The following PARP8 variants were observed in gnomAD, a reference collection of about 807,000 sequenced individuals.
The protein encoded by PARP8 is poly(ADP-ribose) polymerase family member 8, also known as protein mono-ADP-ribosyltransferase PARP8.
PARP8 carries 51 observed loss-of-function variants against 124.1 expected under a neutral mutation model. The ratio of observed to expected loss-of-function variants is 0.41; its 90% CI spans 0.33 to 0.52. The LOEUF is 0.52. Ranked by LOEUF, PARP8 falls within the 20% of genes least tolerant of loss-of-function variation. PARP8 has a pLI of 0.21. For synonymous variants in PARP8, 391 were observed against 361.5 expected (o/e 1.08, Z -0.93); for missense variants, 860 against 1,018.9 (o/e 0.84, Z 2.12).
chr5:50,780,005 T>C (rs1044155135), intron 9 of PARP8, among the ~76,000 whole-genome samples: 1 of 152,194 alleles, frequency 6.6e-6, no homozygotes, highest in Non-Finnish European at 1.5e-5. Flanking sequence ...ATTTCAGATA[T>C]ATAAATATGT....
chr5:50,702,494 C>T (rs539151702), intron 2 of PARP8, among the ~76,000 whole-genome samples: 54 of 152,156 alleles, frequency 3.5e-4, no homozygotes, highest in African/African-American at 1.1e-3. Flanking sequence ...TTTTCTAGGG[C>T]GTTTTTATTT....
At chr5:50,733,258 C>T (rs556536915) in intron 2 of PARP8, among the ~76,000 whole-genome samples, 6 of 151,528 alleles carry the variant, frequency 4.0e-5, no homozygotes, top group African/African-American at 1.2e-4. Flanking sequence ...CGCGCCACAC[C>T]GCACTCCAGC....
intron 2 of PARP8, among the ~76,000 whole-genome samples, chr5:50,729,031 T>C (rs1756711453): frequency 1.3e-5 from 2 of 152,058 alleles, no homozygotes; most frequent in Admixed American, 1.3e-4. Flanking sequence ...TGTGATAATT[T>C]TATGGTCCAG....
rs188952668 is a variant in PARP8 at position 50,761,948 on chromosome 5, A to G, written c.423+50A>G. On this transcript the variant is annotated intron_variant, in intron 6 of 25. Coordinates refer to ENST00000281631, the MANE Select transcript of PARP8 (RefSeq NM_024615.4). ...ACCTAGTCTTAAAGTTCTAATAGCC[A>G]TGTTGTCCTAGTGGTAATCTGTGCC... 4,506 of 1,220,258 alleles carry G rather than the reference A, an allele frequency of 3.7e-3. 13 individuals are homozygous for G. Among genetic ancestry groups the G allele is most frequent in the Middle Eastern group, 5.7e-3 (30 of 5,264 alleles). 75.6% of individuals were successfully genotyped at this position (1,220,258 alleles called of 1,614,324 possible). A position where few individuals can be genotyped will look rare whatever the true frequency, so the allele number is the denominator to read the frequency against.
At chr5:50,785,453 C>T (rs1218152656) in intron 9 of PARP8, among the ~76,000 whole-genome samples, 2 of 152,150 alleles carry the variant, frequency 1.3e-5, no homozygotes, top group African/African-American at 4.8e-5. Context: ...AGCTAGATCT[C>T]TTTTGTTTCT....
At chr5:50,802,729 G>T (rs1355538374) in intron 14 of PARP8, among the ~76,000 whole-genome samples, 1 of 152,004 alleles carries the variant, frequency 6.6e-6, no homozygotes, top group African/African-American at 2.4e-5. Flanking sequence ...TATATTATGT[G>T]CCCATCAACA....
At chr5:50,746,158 G>T (rs1447749135) in intron 2 of PARP8, among the ~76,000 whole-genome samples, 1 of 151,958 alleles carries the variant, frequency 6.6e-6, no homozygotes, top group Non-Finnish European at 1.5e-5. Context: ...ATACTAATCT[G>T]CCTGGAAATA....
intron 2 of PARP8, among the ~76,000 whole-genome samples, chr5:50,677,015 A>G (rs1196088757): frequency 1.7e-4 from 26 of 152,204 alleles, no homozygotes; most frequent in East Asian, 1.2e-3. Context: ...GTATATTTCT[A>G]TCTAAATACT....
chr5:50,782,348 C>A (rs1213487614), intron 9 of PARP8, among the ~76,000 whole-genome samples: 1 of 152,064 alleles, frequency 6.6e-6, no homozygotes, highest in Admixed American at 6.6e-5. Flanking sequence ...TGTGTTTGTG[C>A]AAAAGTATTC....
intron 2 of PARP8, among the ~76,000 whole-genome samples, chr5:50,694,213 G>A (rs1579982451): frequency 1.3e-5 from 2 of 152,076 alleles, no homozygotes; most frequent in East Asian, 3.9e-4. Context: ...TCTGAGTCTT[G>A]TGACACATGT....
intron 2 of PARP8, among the ~76,000 whole-genome samples, chr5:50,738,690 C>A (rs1440346818): frequency 1.4e-5 from 2 of 138,628 alleles, no homozygotes; most frequent in South Asian, 4.6e-4. Flanking sequence ...ATAAAATACA[C>A]TAATGCTAAA....
chr5:50,669,160 C>A (rs1461341029), intron 2 of PARP8: 1 of 152,036 alleles, frequency 6.6e-6, no homozygotes, highest in African/African-American at 2.4e-5. Flanking sequence ...TACCTAAGCC[C>A]CAGAATTAGC....
intron 3 of PARP8, among the ~76,000 whole-genome samples, chr5:50,758,372 TA>T (rs1243791526): frequency 1.3e-5 from 2 of 152,218 alleles, no homozygotes; most frequent in Admixed American, 1.3e-4. Context: ...CCCTGACTGT[TA>T]AAGCCTTAGG....
chr5:50,795,778 T>C (rs1742471910), intron 12 of PARP8, among the ~76,000 whole-genome samples: 1 of 152,250 alleles, frequency 6.6e-6, no homozygotes, highest in Non-Finnish European at 1.5e-5. Context: ...TCTCTGGTCT[T>C]CTCACATGAG....
intron 2 of PARP8, among the ~76,000 whole-genome samples, chr5:50,679,611 G>T (rs1372705946): frequency 6.6e-6 from 1 of 152,024 alleles, no homozygotes; most frequent in Non-Finnish European, 1.5e-5. Context: ...TTCTTGTATT[G>T]TCTGACCCCT....
At chr5:50,767,509 A>C (rs1761172163) in intron 7 of PARP8, among the ~76,000 whole-genome samples, 1 of 152,184 alleles carries the variant, frequency 6.6e-6, no homozygotes, top group Non-Finnish European at 1.5e-5. Context: ...GACACTAACC[A>C]CTACTCCCAA....
chr5:50,717,434 G>A (rs1347843355), intron 2 of PARP8, among the ~76,000 whole-genome samples: 1 of 152,082 alleles, frequency 6.6e-6, no homozygotes, highest in Non-Finnish European at 1.5e-5. Flanking sequence ...GGGAAGAACA[G>A]ATTTCAGGAG....
intron 22 of PARP8, 116 bp downstream of exon 22, chr5:50,830,077 G>C (rs1746776462): frequency 8.3e-7 from 1 of 1,207,972 alleles, no homozygotes. Flanking sequence ...TATTAAATTT[G>C]TTTGCTAAAT....
chr5:50,684,706 G>C lies in PARP8; in HGVS notation c.146+16581G>C, dbSNP rs182961411. Reference sequence around the variant, plus strand: ...ATGATTTCTATAACTCACTTAACTTGCATATTTATACGTGGACTTTAAAAA... The same window carrying C: ...ATGATTTCTATAACTCACTTAACTTCCATATTTATACGTGGACTTTAAAAA... On this transcript the variant is annotated intron_variant, in intron 2 of 25. Transcript: ENST00000281631. Among the ~76,000 whole-genome samples, 103 of 152,226 alleles carry C rather than the reference G, an allele frequency of 6.8e-4. 1 individual carries two copies. In the South Asian group the frequency reaches 0.01, roughly 15 times the overall value.
Sources: allele counts gnomAD v4.1 joint callset (sites outside exome capture counted in the v4.1 genomes callset), GRCh38; gene constraint gnomAD v4.1.1; transcripts MANE v1.5; gene names NCBI Gene and HGNC (gene_info 2026-07-23, HGNC 2026-07-21).